The following GRM1 variants were observed in gnomAD, a reference collection of about 807,000 sequenced individuals.
The protein encoded by GRM1 is glutamate metabotropic receptor 1.
Under a neutral mutation model 90.9 loss-of-function variants are expected in GRM1, and 33 were observed. The ratio of observed to expected loss-of-function variants is 0.36; its 90% confidence interval spans 0.28 to 0.49. GRM1 has a LOEUF of 0.49. Among genes scored for constraint, GRM1 ranks in the 20% least tolerant of loss-of-function variants. The pLI is 0.99. For synonymous variants in GRM1, 700 were observed against 613.2 expected, an observed-to-expected ratio of 1.14 and a Z score of -2.09; for missense variants, 1,190 against 1,534.3, an observed-to-expected ratio of 0.78 and a Z score of 3.75.
chr6:146,169,930 T>C (rs1436109258), intron 2 of GRM1, among the ~76,000 whole-genome samples: 1 of 152,214 alleles, frequency 6.6e-6, no homozygotes, highest in Non-Finnish European at 1.5e-5. Flanking sequence ...GCTATCTTAG[T>C]GAGCATAAAA....
At chr6:146,332,865 A>C (rs1038441352) in intron 3 of GRM1, among the ~76,000 whole-genome samples, 1 of 152,138 alleles carries the variant, frequency 6.6e-6, no homozygotes, top group African/African-American at 2.4e-5. Flanking sequence ...CCCAAAATAT[A>C]ACTCTCAGAG....
chr6:146,153,718 G>T (rs1265112561), intron 1 of GRM1, among the ~76,000 whole-genome samples: 2 of 152,098 alleles, frequency 1.3e-5, no homozygotes, highest in Admixed American at 6.6e-5. Flanking sequence ...GATCTGTGCA[G>T]CAAACCACCA....
chr6:146,287,573 A>G (rs778694932), intron 2 of GRM1, among the ~76,000 whole-genome samples: 8 of 152,182 alleles, frequency 5.3e-5, no homozygotes, highest in South Asian at 2.1e-4. Flanking sequence ...AAAATATTCA[A>G]TCTCCAATGA....
chr6:146,093,705 C>T (rs1776782807), intron 1 of GRM1, among the ~76,000 whole-genome samples: 1 of 151,922 alleles, frequency 6.6e-6, no homozygotes, highest in African/African-American at 2.4e-5. Context: ...GAGTTTTCTC[C>T]AGCTCCTTTT....
At chr6:146,376,808 C>T (rs1425980089) in intron 5 of GRM1, among the ~76,000 whole-genome samples, 1 of 152,102 alleles carries the variant, frequency 6.6e-6, no homozygotes, top group East Asian at 1.9e-4. Flanking sequence ...TTGGCTGTGT[C>T]CACACCCAAA....
intron 2 of GRM1, among the ~76,000 whole-genome samples, chr6:146,304,141 A>C (rs555595249): frequency 6.6e-6 from 1 of 152,292 alleles, no homozygotes; most frequent in African/African-American, 2.4e-5. Flanking sequence ...CATGTTTCAG[A>C]ACTATATCAG....
chr6:146,061,899 A>T (rs1775683737), intron 1 of GRM1, among the ~76,000 whole-genome samples: 1 of 152,122 alleles, frequency 6.6e-6, no homozygotes, highest in Admixed American at 6.5e-5. Context: ...TGTTGATGGG[A>T]GTGTAAATTA....
chr6:146,159,080 G>A (rs530155991), intron 1 of GRM1, among the ~76,000 whole-genome samples: 23 of 152,254 alleles, frequency 1.5e-4, no homozygotes, highest in African/African-American at 5.1e-4. Flanking sequence ...TTGTAAAATA[G>A]GGCAGCAATC....
At chr6:146,084,828 A>G (rs1205287418) in intron 1 of GRM1, among the ~76,000 whole-genome samples, 1 of 152,116 alleles carries the variant, frequency 6.6e-6, no homozygotes, top group Admixed American at 6.6e-5. Flanking sequence ...TCTAATATTG[A>G]CAGTGCATTG....
intron 1 of GRM1, among the ~76,000 whole-genome samples, chr6:146,063,039 C>A (rs1220827845): frequency 6.6e-6 from 1 of 152,032 alleles, no homozygotes; most frequent in African/African-American, 2.4e-5. Flanking sequence ...TAAGTCCAAT[C>A]GGATGTGATA....
At chr6:146,127,646 A>G (rs1460559414) in intron 1 of GRM1, among the ~76,000 whole-genome samples, 1 of 152,184 alleles carries the variant, frequency 6.6e-6, no homozygotes, top group Non-Finnish European at 1.5e-5. Flanking sequence ...TAAATTGCTG[A>G]AGAAGCAAAA....
chr6:146,328,279 T>C (rs1303069019), intron 3 of GRM1, among the ~76,000 whole-genome samples: 1 of 152,098 alleles, frequency 6.6e-6, no homozygotes, highest in Non-Finnish European at 1.5e-5. Context: ...TGATACCCAC[T>C]ACGCCTAAGC....
intron 1 of GRM1, among the ~76,000 whole-genome samples, chr6:146,098,725 G>C (rs764999409): frequency 6.6e-6 from 1 of 151,650 alleles, no homozygotes; most frequent in Non-Finnish European, 1.5e-5. Context: ...TTAACCATGG[G>C]GGTGGCTACA....
At chr6:146,267,489 A>T (rs916348315) in intron 2 of GRM1, among the ~76,000 whole-genome samples, 1 of 152,128 alleles carries the variant, frequency 6.6e-6, no homozygotes, top group Non-Finnish European at 1.5e-5. Flanking sequence ...ACACGATCAC[A>T]AGGTCGCAAA....
intron 2 of GRM1, among the ~76,000 whole-genome samples, chr6:146,213,996 A>T (rs1267501873): frequency 2.6e-5 from 4 of 152,080 alleles, no homozygotes; most frequent in Admixed American, 6.6e-5. Context: ...TGAGGCGGTA[A>T]AAGAAGAATG....
chr6:146,419,472 A>G (rs1370642375), intron 7 of GRM1, among the ~76,000 whole-genome samples: 1 of 152,216 alleles, frequency 6.6e-6, no homozygotes, highest in African/African-American at 2.4e-5. Context: ...CAGTGTTTCC[A>G]CGGGACAAGC....
chr6:146,319,597 T>C (rs1361652047), intron 3 of GRM1, among the ~76,000 whole-genome samples: 1 of 152,188 alleles, frequency 6.6e-6, no homozygotes, highest in Non-Finnish European at 1.5e-5. Context: ...TTCCTATCCA[T>C]GAGCATGGGA....
chr6:146,161,582 G>A (rs1181927600), intron 2 of GRM1, among the ~76,000 whole-genome samples: 1 of 152,006 alleles, frequency 6.6e-6, no homozygotes, highest in South Asian at 2.1e-4. Flanking sequence ...CCACATATCC[G>A]AGGGAGCTAT....
intron 1 of GRM1, among the ~76,000 whole-genome samples, chr6:146,120,190 T>G (rs1344644306): frequency 6.6e-6 from 1 of 152,188 alleles, no homozygotes; most frequent in African/African-American, 2.4e-5. Context: ...GGTATTTTAT[T>G]CTCTTTGAAG....
Sources: allele counts gnomAD v4.1 joint callset (sites outside exome capture counted in the v4.1 genomes callset), GRCh38; gene constraint gnomAD v4.1.1; transcripts MANE v1.5; gene names NCBI Gene and HGNC (gene_info 2026-07-23, HGNC 2026-07-21).